The following PID1 variants were observed in gnomAD, a reference collection of about 807,000 sequenced individuals.
PID1 encodes PTB-containing, cubilin and LRP1-interacting protein.
A neutral mutation model predicts 19.1 loss-of-function variants in PID1; 10 were observed. That is an observed-to-expected ratio of 0.52 (90% confidence interval 0.32 to 0.89). The LOEUF (loss-of-function observed/expected upper bound fraction) is 0.89, where lower values mean the gene tolerates loss of function less well. Ranked by LOEUF, PID1 falls within the 40% of genes least tolerant of loss-of-function variation. PID1 has a pLI of 0.03. For missense variants in PID1, 248 were observed against 285.3 expected (o/e 0.87, Z 0.94); for synonymous variants, 130 against 116.0 (o/e 1.12, Z -0.78).
chr2:229,119,722 T>C (rs1574644275), intron 2 of PID1, among the ~76,000 whole-genome samples: 1 of 152,336 alleles, frequency 6.6e-6, no homozygotes, highest in South Asian at 2.1e-4. Context: ...ACCAAATACC[T>C]GATCAAACGT....
intron 1 of PID1, among the ~76,000 whole-genome samples, chr2:229,187,466 C>T (rs550415631): frequency 7.2e-5 from 11 of 152,244 alleles, no homozygotes; most frequent in East Asian, 5.8e-4. Flanking sequence ...ACATGAACGG[C>T]GGCAGGCAAA....
intron 1 of PID1, among the ~76,000 whole-genome samples, chr2:229,179,682 CA>C (rs913881020): frequency 2.0e-5 from 3 of 151,748 alleles, no homozygotes; most frequent in African/African-American, 4.8e-5. Flanking sequence ...ACAACAACAA[CA>C]AAAAAAAGCA....
chr2:229,044,666 T>C (rs1424776307), intron 2 of PID1, among the ~76,000 whole-genome samples: 1 of 152,194 alleles, frequency 6.6e-6, no homozygotes, highest in East Asian at 1.9e-4. Flanking sequence ...CCTGAGGAAA[T>C]GGCCATCACA....
At chr2:229,168,549 A>T (rs1440914060) in intron 1 of PID1, among the ~76,000 whole-genome samples, 3 of 152,068 alleles carry the variant, frequency 2.0e-5, no homozygotes, top group African/African-American at 7.2e-5. Flanking sequence ...TGTTTCTTAC[A>T]TGGTTTTTAT....
intron 1 of PID1, among the ~76,000 whole-genome samples, chr2:229,254,562 C>T (rs1227003): frequency 0.94 from 142,736 of 152,262 alleles, 66,935 homozygotes; most frequent in East Asian, 0.99. Context: ...TCTTTTTCCT[C>T]GGGCTGCTAG....
rs374705859 is a variant in PID1 at position 229,146,171 on chromosome 2, C to T, written c.177+9647G>A. On this transcript the variant is annotated intron_variant, in intron 2 of 2. Coordinates refer to ENST00000392055, the MANE Select transcript of PID1 (RefSeq NM_001100818.2). Reference sequence around the variant, plus strand: ...GCCACATTTTCTTTATCCAGTCTATCATTGATGGGCATTTGGATTGGTTCC... The same window carrying T: ...GCCACATTTTCTTTATCCAGTCTATTATTGATGGGCATTTGGATTGGTTCC... Among the ~76,000 whole-genome samples the T allele has an allele frequency of 9.2e-5, 14 of 152,216 alleles. No homozygotes were observed. The East Asian group carries it at 1.7e-3, about 19-fold the overall frequency.
chr2:229,161,707 G>A (rs1033162576), intron 1 of PID1, among the ~76,000 whole-genome samples: 1 of 152,106 alleles, frequency 6.6e-6, no homozygotes, highest in Non-Finnish European at 1.5e-5. Flanking sequence ...AAAGCCCTCC[G>A]AGGTACTGCC....
intron 2 of PID1, among the ~76,000 whole-genome samples, chr2:229,138,002 G>A (rs138300431): frequency 1.1e-4 from 16 of 152,254 alleles, no homozygotes; most frequent in African/African-American, 3.4e-4. Context: ...TAAAACAAAG[G>A]GGTATAGATT....
intron 2 of PID1, among the ~76,000 whole-genome samples, chr2:229,096,042 G>T (rs1459796282): frequency 6.6e-6 from 1 of 152,280 alleles, no homozygotes; most frequent in East Asian, 1.9e-4. Flanking sequence ...TTGGAGAATA[G>T]TCATATAAGT....
intron 1 of PID1, among the ~76,000 whole-genome samples, chr2:229,196,510 A>C (rs1691381246): frequency 1.3e-5 from 2 of 152,248 alleles, no homozygotes; most frequent in African/African-American, 4.8e-5. Flanking sequence ...TCATAAAAAC[A>C]ACAAAGCTCA....
At chr2:229,102,488 C>T (rs974132874) in intron 2 of PID1, among the ~76,000 whole-genome samples, 1 of 152,082 alleles carries the variant, frequency 6.6e-6, no homozygotes, top group Non-Finnish European at 1.5e-5. Context: ...AGGAGGAAAG[C>T]GAGACTTAAG....
chr2:229,107,932 C>T (rs547471711), intron 2 of PID1, among the ~76,000 whole-genome samples: 12 of 152,266 alleles, frequency 7.9e-5, no homozygotes, highest in Admixed American at 2.0e-4. Context: ...AAAGCATTTA[C>T]GAGACAACTG....
At chr2:229,040,159 C>T (rs1310845150) in intron 2 of PID1, among the ~76,000 whole-genome samples, 3 of 149,990 alleles carry the variant, frequency 2.0e-5, no homozygotes, top group African/African-American at 7.3e-5. Context: ...TGGCTCACGC[C>T]AGCAATCCCA....
At chr2:229,128,596 G>T (rs183720379) in intron 2 of PID1, among the ~76,000 whole-genome samples, 1 of 151,742 alleles carries the variant, frequency 6.6e-6, no homozygotes, top group Non-Finnish European at 1.5e-5. Context: ...TTAGACAAAC[G>T]CTATACAAAG....
At chr2:229,063,927 G>C (rs1313804564) in intron 2 of PID1, among the ~76,000 whole-genome samples, 1 of 151,788 alleles carries the variant, frequency 6.6e-6, no homozygotes, top group African/African-American at 2.4e-5. Flanking sequence ...CTTATGTTAG[G>C]GGAAGCAATG....
chr2:229,211,299 T>C (rs1266931471), intron 1 of PID1, among the ~76,000 whole-genome samples: 1 of 152,046 alleles, frequency 6.6e-6, no homozygotes, highest in Non-Finnish European at 1.5e-5. Flanking sequence ...CATGATCTAA[T>C]ATGCCTATAT....
At chr2:229,139,141 G>GC (rs1689954857) in intron 2 of PID1, among the ~76,000 whole-genome samples, 2 of 125,968 alleles carry the variant, frequency 1.6e-5, no homozygotes, top group African/African-American at 6.3e-5. Context: ...AAGAAAGAAA[G>GC]AAAGAAAGCA....
intron 1 of PID1, among the ~76,000 whole-genome samples, chr2:229,190,009 T>A (rs990733363): frequency 6.6e-6 from 1 of 152,192 alleles, no homozygotes; most frequent in African/African-American, 2.4e-5. Flanking sequence ...TTCACCACCT[T>A]TCTTACACAC....
chr2:229,102,166 T>G (rs568708126), intron 2 of PID1, among the ~76,000 whole-genome samples: 2 of 152,250 alleles, frequency 1.3e-5, no homozygotes, highest in African/African-American at 4.8e-5. Flanking sequence ...AGCTAACACC[T>G]GGACTTCAGT....
Sources: allele counts gnomAD v4.1 joint callset (sites outside exome capture counted in the v4.1 genomes callset), GRCh38; gene constraint gnomAD v4.1.1; transcripts MANE v1.5; gene names NCBI Gene and HGNC (gene_info 2026-07-23, HGNC 2026-07-21).